Variants in ADGRL3 observed in about 807,000 individuals in gnomAD.
The protein encoded by ADGRL3 is calcium-independent alpha-latrotoxin receptor 3.
ADGRL3 carries 62 observed loss-of-function variants against 153.5 expected under a neutral mutation model. The ratio of observed to expected loss-of-function variants is 0.40; its 90% confidence interval spans 0.33 to 0.50. The LOEUF is 0.50. ADGRL3 is among the 20% of genes least tolerant of loss of function. The pLI is 0.47. For missense variants in ADGRL3, 1,641 were observed against 1,859.4 expected, an observed-to-expected ratio of 0.88 and a Z score of 2.16; for synonymous variants, 710 against 672.5, an observed-to-expected ratio of 1.06 and a Z score of -0.86.
chr4:61,799,396 A>T (rs1273133353), intron 8 of ADGRL3, among the ~76,000 whole-genome samples: 3 of 152,022 alleles, frequency 2.0e-5, no homozygotes, highest in Non-Finnish European at 4.4e-5. Flanking sequence ...CTTCTGCTGC[A>T]GCTGCTCCTC....
intron 5 of ADGRL3, among the ~76,000 whole-genome samples, chr4:61,622,891 T>C (rs529376373): frequency 1.8e-4 from 27 of 152,196 alleles, no homozygotes; most frequent in Admixed American, 5.9e-4. Flanking sequence ...AGTCATATCA[T>C]AAAGAAACTA....
chr4:61,979,807 TTC>T, intron 18 of ADGRL3, 35 bp downstream of exon 18: 1 of 1,562,456 alleles, frequency 6.4e-7, no homozygotes. Flanking sequence ...TGAAGAATTT[TTC>T]CACTTCCAGC....
At chr4:61,425,940 C>G (rs1296106788) in intron 2 of ADGRL3, among the ~76,000 whole-genome samples, 2 of 152,174 alleles carry the variant, frequency 1.3e-5, no homozygotes, top group African/African-American at 4.8e-5. Context: ...GATTACCATT[C>G]GTCCCCATAT....
intron 1 of ADGRL3, among the ~76,000 whole-genome samples, chr4:61,358,479 C>T (rs1020086674): frequency 4.0e-5 from 6 of 151,522 alleles, no homozygotes; most frequent in African/African-American, 1.5e-4. Flanking sequence ...CGCCTGTAGT[C>T]CCAGCTACTA....
chr4:61,299,202 C>T (rs973620133), intron 1 of ADGRL3, among the ~76,000 whole-genome samples: 1 of 152,068 alleles, frequency 6.6e-6, no homozygotes. Flanking sequence ...TCAGTGGCAT[C>T]GTTCAGAACA....
intron 1 of ADGRL3, among the ~76,000 whole-genome samples, chr4:61,370,035 C>A (rs1216206529): frequency 2.6e-5 from 4 of 152,004 alleles, no homozygotes; most frequent in African/African-American, 9.7e-5. Flanking sequence ...TTGTAGTATT[C>A]TCTGATGGTA....
chr4:61,646,273 C>T (rs2150298167), intron 5 of ADGRL3, among the ~76,000 whole-genome samples: 1 of 152,272 alleles, frequency 6.6e-6, no homozygotes, highest in South Asian at 2.1e-4. Context: ...CTGAAGCCTT[C>T]TTCTCTCAGC....
chr4:61,451,484 A>G (rs2097673102), intron 2 of ADGRL3, among the ~76,000 whole-genome samples: 1 of 152,222 alleles, frequency 6.6e-6, no homozygotes, highest in African/African-American at 2.4e-5. Context: ...ATTGATAAGT[A>G]TGCTACCTCA....
Position 61,596,019 on chromosome 4 carries a change from C to A in ADGRL3, c.473+8579C>A, listed in dbSNP as rs539528834. On this transcript the variant is annotated intron_variant, in intron 5 of 26. Transcript: ENST00000683033. ...CAAATACTCTCTCTGTGCCTCATGACCACAGCCGGGGAATGGGGAGGGGTG... is the reference window on the plus strand; with the variant it reads ...CAAATACTCTCTCTGTGCCTCATGAACACAGCCGGGGAATGGGGAGGGGTG... Among the ~76,000 whole-genome samples, 10 of 152,248 alleles carry A rather than the reference C, an allele frequency of 6.6e-5. No individual in the cohort carries two copies. The South Asian group carries it at 2.1e-3, about 32-fold the overall frequency.
chr4:61,528,354 G>T (rs896624074), intron 4 of ADGRL3, among the ~76,000 whole-genome samples: 1 of 151,996 alleles, frequency 6.6e-6, no homozygotes, highest in Non-Finnish European at 1.5e-5. Context: ...GTTGGAATAT[G>T]ACAACACTAT....
At chr4:61,811,835 G>A (rs1245015663) in intron 8 of ADGRL3, among the ~76,000 whole-genome samples, 3 of 152,098 alleles carry the variant, frequency 2.0e-5, no homozygotes, top group Admixed American at 1.3e-4. Flanking sequence ...TATGAAAGGA[G>A]ATTAGGTATG....
At chr4:61,711,264 A>G (rs1038825850) in intron 6 of ADGRL3, among the ~76,000 whole-genome samples, 2 of 151,480 alleles carry the variant, frequency 1.3e-5, no homozygotes, top group Admixed American at 6.6e-5. Flanking sequence ...GCCTATTACT[A>G]TTTTCACAGG....
intron 1 of ADGRL3, among the ~76,000 whole-genome samples, chr4:61,240,512 G>T (rs993670671): frequency 2.6e-5 from 4 of 152,104 alleles, no homozygotes; most frequent in Non-Finnish European, 4.4e-5. Flanking sequence ...TTCAAATAAA[G>T]TAGAGCCTAA....
Position 61,936,045 on chromosome 4 carries a change from G to C in ADGRL3, c.2419G>C (p.Gly807Arg). ...ANTLKQNGRN[G>R]EIRVAFVLYN... is the part of the protein sequence containing the mutation. ...TACCTTAAAGCAAAATGGCCGAAAT[G>C]GTAGGTTAGAGTTTATTTTTTAAGC... Residue 807 changes from glycine to arginine, a missense_variant and splice_region_variant, in exon 15 of 27, where the codon GGA becomes CGA. Physicochemically the swap from Gly to Arg is moderately radical, Grantham distance 125. Coordinates refer to ENST00000683033, the MANE Select transcript of ADGRL3 (RefSeq NM_001387552.1). The C allele has an allele frequency of 6.2e-7, 1 of 1,610,508 alleles. No homozygotes were observed.
At chr4:61,745,225 A>G (rs1320674249) in intron 8 of ADGRL3, among the ~76,000 whole-genome samples, 13 of 152,228 alleles carry the variant, frequency 8.5e-5, no homozygotes, top group Admixed American at 8.5e-4. Flanking sequence ...GACCAAATCT[A>G]CGTCTGATTG....
chr4:61,441,571 G>A (rs1489400901), intron 2 of ADGRL3, among the ~76,000 whole-genome samples: 5 of 151,288 alleles, frequency 3.3e-5, no homozygotes, highest in African/African-American at 1.2e-4. Context: ...CCAGGTTGGA[G>A]TGCAGTGGTG....
At chr4:61,912,815 A>T in intron 13 of ADGRL3, 58 bp downstream of exon 13, 1 of 1,430,076 alleles carries the variant, frequency 7.0e-7, no homozygotes, top group South Asian at 1.2e-5. Flanking sequence ...TTGTGATGGC[A>T]TGAATGGACA....
chr4:61,370,678 G>T (rs1211004544), intron 1 of ADGRL3, among the ~76,000 whole-genome samples: 2 of 151,756 alleles, frequency 1.3e-5, no homozygotes, highest in Non-Finnish European at 2.9e-5. Context: ...AATAGGTGTG[G>T]TATGGTGCTG....
chr4:61,737,724 C>G (rs2096535689), intron 8 of ADGRL3, among the ~76,000 whole-genome samples: 1 of 152,128 alleles, frequency 6.6e-6, no homozygotes, highest in African/African-American at 2.4e-5. Flanking sequence ...TAAAGCACTG[C>G]AGCTCATATA....
Sources: gnomAD v4.1 joint callset for allele counts (sites outside exome capture counted in the v4.1 genomes callset) on GRCh38, gnomAD v4.1.1 for gene constraint, MANE v1.5 for transcripts, NCBI Gene and HGNC (gene_info 2026-07-23, HGNC 2026-07-21) for gene names.